The following SORCS3 variants were observed in gnomAD, a reference collection of about 807,000 sequenced individuals.
The protein encoded by SORCS3 is VPS10 domain-containing receptor SorCS3.
SORCS3 carries 57 observed loss-of-function variants against 146.3 expected under a neutral mutation model. That is an observed-to-expected ratio of 0.39 (90% CI 0.31 to 0.49). The LOEUF is 0.49. Among genes scored for constraint, SORCS3 ranks in the 20% least tolerant of loss-of-function variants. The probability of loss-of-function intolerance (pLI) is 0.92; values close to 1 mark genes in which losing one functional copy is unlikely to be tolerated. For missense variants in SORCS3, 1,341 were observed against 1,575.5 expected (o/e 0.85, Z 2.52); for synonymous variants, 653 against 618.5 (o/e 1.06, Z -0.83).
In SORCS3 at chr10:105,264,393, G is replaced by T. The variant is rs1465216552; in HGVS notation, c.*1019G>T. 2 of 152,188 alleles carry T rather than the reference G, an allele frequency of 1.3e-5. No homozygotes were observed. Among genetic ancestry groups the T allele is most frequent in the African/African-American group, 4.8e-5 (2 of 41,450 alleles). 9.4% of individuals were successfully genotyped at this position (152,188 alleles called of 1,614,324 possible). A position where few individuals can be genotyped will look rare whatever the true frequency, so the allele number is the denominator to read the frequency against. ...TCAGTGGATCTTAAAATGACAATCT[G>T]TTTTTAAATTGGATTCTATGAAAAT... On this transcript the variant is annotated 3_prime_UTR_variant, in exon 27 of 27. Transcript: ENST00000369701.
rs573932075 is a variant in SORCS3, at chr10:105,115,423, T to G, written c.1212+9908T>G. On this transcript the variant is annotated intron_variant, in intron 7 of 26. Coordinates refer to ENST00000369701, the MANE Select transcript of SORCS3 (RefSeq NM_014978.3). ...TATGCACATCCTCTTTTAAGGATTT[T>G]TATAAGCCGATCACATAAAAGATTA... Among the ~76,000 whole-genome samples, 10 of 152,350 alleles carry G rather than the reference T, an allele frequency of 6.6e-5. No homozygotes were observed. The South Asian group carries it at 2.1e-3, about 32-fold the overall frequency.
chr10:104,937,704 G>A (rs1204273100), intron 3 of SORCS3, among the ~76,000 whole-genome samples: 1 of 152,172 alleles, frequency 6.6e-6, no homozygotes, highest in African/African-American at 2.4e-5. Context: ...CCCCATGGCT[G>A]AGTCAATACA....
At chr10:104,967,450 T>C (rs919315472) in intron 3 of SORCS3, among the ~76,000 whole-genome samples, 1 of 152,184 alleles carries the variant, frequency 6.6e-6, no homozygotes, top group Non-Finnish European at 1.5e-5. Flanking sequence ...TATATGCACA[T>C]TGTACAGCAT....
At chr10:104,952,856 G>A (rs1431316492) in intron 3 of SORCS3, among the ~76,000 whole-genome samples, 1 of 152,156 alleles carries the variant, frequency 6.6e-6, no homozygotes, top group Non-Finnish European at 1.5e-5. Context: ...GGAAAGAGAT[G>A]GCTAATTTCT....
In SORCS3 at chr10:105,082,603, G is replaced by T. The variant is rs540423339; in HGVS notation, c.1029-7172G>T. ...ATGTGATGAAGAGTTTACACAGAGG[G>T]CCTGATCCTAGTTCCCTTCTTGAAG... is the stretch of plus-strand genomic sequence containing the variant. On this transcript the variant is annotated intron_variant, in intron 5 of 26. Coordinates refer to ENST00000369701, the MANE Select transcript of SORCS3 (RefSeq NM_014978.3). Among the ~76,000 whole-genome samples, 25 of 152,272 alleles carry T rather than the reference G, an allele frequency of 1.6e-4. 1 individual carries two copies. In the South Asian group the frequency reaches 5.2e-3, roughly 32 times the overall value.
chr10:104,784,905 T>C (rs1331934578), intron 1 of SORCS3, among the ~76,000 whole-genome samples: 1 of 152,232 alleles, frequency 6.6e-6, no homozygotes, highest in Non-Finnish European at 1.5e-5. Flanking sequence ...AAAAATGTGC[T>C]TGCTATTCCA....
intron 13 of SORCS3, among the ~76,000 whole-genome samples, chr10:105,168,148 G>C (rs996836695): frequency 1.3e-5 from 2 of 152,226 alleles, no homozygotes; most frequent in African/African-American, 4.8e-5. Flanking sequence ...AAACAGAGGT[G>C]GGGATGAAAG....
chr10:105,219,275 G>C (rs565776561), intron 19 of SORCS3, among the ~76,000 whole-genome samples: 1 of 152,282 alleles, frequency 6.6e-6, no homozygotes, highest in Admixed American at 6.5e-5. Context: ...AAGCTTCCAT[G>C]AGTTTTCTCC....
intron 11 of SORCS3, among the ~76,000 whole-genome samples, chr10:105,161,836 C>T (rs369259084): frequency 2.6e-5 from 4 of 152,168 alleles, no homozygotes; most frequent in East Asian, 3.9e-4. Context: ...CCCACAATCT[C>T]TCTGATTCCA....
chr10:105,242,667 T>TATTTATGTAC (rs2056838650), intron 20 of SORCS3, among the ~76,000 whole-genome samples: 2 of 99,230 alleles, frequency 2.0e-5, no homozygotes, highest in Non-Finnish European at 3.5e-5. Context: ...CATTTATATA[T>TATTTATGTAC]ATTTATATAT....
intron 2 of SORCS3, among the ~76,000 whole-genome samples, chr10:104,876,853 T>C (rs780383658): frequency 4.0e-5 from 6 of 151,898 alleles, no homozygotes; most frequent in Admixed American, 6.6e-5. Flanking sequence ...CTTTTCTTTT[T>C]TCTCTTTTCT....
At chr10:104,824,096 A>C (rs778152903) in intron 1 of SORCS3, among the ~76,000 whole-genome samples, 2 of 152,304 alleles carry the variant, frequency 1.3e-5, no homozygotes, top group Non-Finnish European at 2.9e-5. Flanking sequence ...AACCCTACCA[A>C]TACCTTGATT....
At chr10:105,150,724 T>C (rs2056162310) in intron 9 of SORCS3, among the ~76,000 whole-genome samples, 2 of 152,200 alleles carry the variant, frequency 1.3e-5, no homozygotes, top group Non-Finnish European at 2.9e-5. Context: ...AACCTGATGT[T>C]ATCTAGACCA....
chr10:104,823,421 T>A (rs185339671), intron 1 of SORCS3, among the ~76,000 whole-genome samples: 4 of 152,280 alleles, frequency 2.6e-5, no homozygotes, highest in Non-Finnish European at 4.4e-5. Flanking sequence ...TCTGTTCCAT[T>A]TGCAGTTTTT....
intron 9 of SORCS3, among the ~76,000 whole-genome samples, chr10:105,155,389 G>A (rs1045955925): frequency 6.6e-6 from 1 of 152,306 alleles, no homozygotes; most frequent in African/African-American, 2.4e-5. Context: ...GAAGTGGATA[G>A]CAAGGCCCTG....
intron 5 of SORCS3, among the ~76,000 whole-genome samples, chr10:105,053,475 A>G (rs904249725): frequency 3.3e-5 from 5 of 152,114 alleles, no homozygotes; most frequent in Admixed American, 6.6e-5. Flanking sequence ...ATATCTCATA[A>G]TCATTCAAGG....
Position 104,696,600 on chromosome 10 carries a change from A to G in SORCS3, c.627+54646A>G, listed in dbSNP as rs192588108. Among the ~76,000 whole-genome samples the G allele has an allele frequency of 1.9e-3, 183 of 95,024 alleles. 3 individuals are homozygous for G. Among genetic ancestry groups the G allele is most frequent in the Non-Finnish European group, 2.3e-3 (121 of 51,942 alleles). The allele number at this position is 95,024 out of a possible 152,430, so 62.3% of individuals were successfully genotyped here. ...TATATAATATATATTATATACGTATATATTATATATAATATATATTATATA... is the reference window on the plus strand; with the variant it reads ...TATATAATATATATTATATACGTATGTATTATATATAATATATATTATATA... On this transcript the variant is annotated intron_variant, in intron 1 of 26. Transcript: ENST00000369701.
intron 7 of SORCS3, among the ~76,000 whole-genome samples, chr10:105,127,707 C>A (rs1012744466): frequency 3.3e-5 from 5 of 152,082 alleles, no homozygotes; most frequent in African/African-American, 1.2e-4. Flanking sequence ...CCCAAAAGGA[C>A]CTGCTTCCCT....
At chr10:105,130,490 G>T (rs1564762394) in intron 7 of SORCS3, among the ~76,000 whole-genome samples, 1 of 152,080 alleles carries the variant, frequency 6.6e-6, no homozygotes, top group Non-Finnish European at 1.5e-5. Flanking sequence ...TTGCTCGGCA[G>T]GGCTGCTGAA....
Sources: gnomAD v4.1 joint callset for allele counts (sites outside exome capture counted in the v4.1 genomes callset) on GRCh38, gnomAD v4.1.1 for gene constraint, MANE v1.5 for transcripts, NCBI Gene and HGNC (gene_info 2026-07-23, HGNC 2026-07-21) for gene names.